NCKAP5: variants seen among roughly 807,000 people sequenced by gnomAD.
The protein encoded by NCKAP5 is nck-associated protein 5.
Under a neutral mutation model 167.0 loss-of-function variants are expected in NCKAP5, and 92 were observed. The observed-to-expected ratio is 0.55, with a 90% CI of 0.47 to 0.66. NCKAP5 has a LOEUF of 0.66. NCKAP5 is among the 30% of genes least tolerant of loss of function. The pLI, the probability that NCKAP5 is intolerant of heterozygous loss-of-function variation, is 0.00. For missense variants in NCKAP5, 2,378 were observed against 2,315.0 expected (o/e 1.03, Z -0.56); for synonymous variants, 891 against 877.4 (o/e 1.02, Z -0.27).
chr2:133,194,110 C>T (rs777304107), intron 5 of NCKAP5, among the ~76,000 whole-genome samples: 2 of 151,838 alleles, frequency 1.3e-5, no homozygotes, highest in Admixed American at 6.6e-5. Flanking sequence ...AGTATGCACT[C>T]GGGTAAGAAA....
chr2:133,229,622 A>G (rs6430405), intron 4 of NCKAP5, among the ~76,000 whole-genome samples: 32,908 of 152,088 alleles, frequency 0.22, 4,615 homozygotes, highest in African/African-American at 0.41. Flanking sequence ...CCCATTTTAC[A>G]GATGTTGAAA....
intron 5 of NCKAP5, among the ~76,000 whole-genome samples, chr2:133,174,719 C>T (rs1553563128): frequency 4.2e-5 from 5 of 117,666 alleles, no homozygotes; most frequent in East Asian, 3.5e-4. Context: ...TTTTTTTCTC[C>T]CCCCTGCTCC....
intron 16 of NCKAP5, among the ~76,000 whole-genome samples, chr2:132,748,852 T>C (rs112352903): frequency 5.3e-5 from 8 of 151,886 alleles, no homozygotes; most frequent in Non-Finnish European, 8.8e-5. Flanking sequence ...GGCGTGATCT[T>C]GGTTCACTGC....
chr2:132,879,438 C>T (rs930120898), intron 8 of NCKAP5, among the ~76,000 whole-genome samples: 3 of 152,232 alleles, frequency 2.0e-5, no homozygotes, highest in African/African-American at 7.2e-5. Flanking sequence ...TATACTTAAG[C>T]ATCCCCTTCC....
chr2:133,507,186 C>A (rs1306895719), intron 3 of NCKAP5, among the ~76,000 whole-genome samples: 1 of 152,222 alleles, frequency 6.6e-6, no homozygotes, highest in African/African-American at 2.4e-5. Context: ...TCACTGCCAG[C>A]CTCATGGCCA....
chr2:133,317,889 AC>A (rs1681730041), intron 3 of NCKAP5, among the ~76,000 whole-genome samples: 1 of 152,194 alleles, frequency 6.6e-6, no homozygotes, highest in African/African-American at 2.4e-5. Flanking sequence ...CAAGCTGGAA[AC>A]AAAAGGGTGG....
chr2:133,552,765 A>C (rs1467470017), intron 2 of NCKAP5, among the ~76,000 whole-genome samples: 1 of 152,194 alleles, frequency 6.6e-6, no homozygotes, highest in South Asian at 2.1e-4. Context: ...AGAAAAAGAA[A>C]AAAAAAAGAT....
intron 2 of NCKAP5, among the ~76,000 whole-genome samples, chr2:133,551,152 G>A (rs1236920473): frequency 6.6e-6 from 1 of 152,066 alleles, no homozygotes; most frequent in African/African-American, 2.4e-5. Flanking sequence ...TCAATATCAT[G>A]AAATGGCCAT....
intron 3 of NCKAP5, among the ~76,000 whole-genome samples, chr2:133,337,693 G>C (rs1683305310): frequency 1.3e-5 from 2 of 152,208 alleles, no homozygotes; most frequent in African/African-American, 4.8e-5. Context: ...TGAAGCTAAG[G>C]AGAGGGGTTG....
intron 4 of NCKAP5, among the ~76,000 whole-genome samples, chr2:133,261,036 T>C (rs2088880939): frequency 6.6e-6 from 1 of 152,176 alleles, no homozygotes; most frequent in African/African-American, 2.4e-5. Context: ...GGAAGAACCT[T>C]ACAAGGAAGG....
chr2:133,387,400 T>G (rs1384830491), intron 3 of NCKAP5, among the ~76,000 whole-genome samples: 1 of 152,258 alleles, frequency 6.6e-6, no homozygotes, highest in Non-Finnish European at 1.5e-5. Context: ...TCATAGAGTT[T>G]CTGCCGAGAG....
chr2:133,550,138 A>C (rs1687154745), intron 2 of NCKAP5, among the ~76,000 whole-genome samples: 2 of 147,264 alleles, frequency 1.4e-5, no homozygotes, highest in Non-Finnish European at 3.0e-5. Flanking sequence ...CCAGGACCAG[A>C]TGGATTCACA....
chr2:133,081,144 C>T (rs1403196556), intron 6 of NCKAP5, among the ~76,000 whole-genome samples: 1 of 152,006 alleles, frequency 6.6e-6, no homozygotes, highest in Non-Finnish European at 1.5e-5. Flanking sequence ...CATTCATTTT[C>T]CATGTAAAGA....
chr2:133,478,451 C>T, intron 3 of NCKAP5, among the ~76,000 whole-genome samples: 1 of 152,104 alleles, frequency 6.6e-6, no homozygotes, highest in African/African-American at 2.4e-5. Flanking sequence ...GGATCTTGAA[C>T]CTTCCTAGAA....
intron 5 of NCKAP5, among the ~76,000 whole-genome samples, chr2:133,202,073 G>A: frequency 6.6e-6 from 1 of 152,112 alleles, no homozygotes; most frequent in Non-Finnish European, 1.5e-5. Context: ...AGCCCACATT[G>A]CCGAGTCAAT....
intron 6 of NCKAP5, among the ~76,000 whole-genome samples, chr2:133,025,028 T>A (rs920449650): frequency 6.6e-6 from 1 of 152,218 alleles, no homozygotes; most frequent in Non-Finnish European, 1.5e-5. Flanking sequence ...CTTTTAGGTG[T>A]TTTGAAAAGA....
chr2:133,516,146 A>G (rs1298364569), intron 3 of NCKAP5, among the ~76,000 whole-genome samples: 1 of 152,152 alleles, frequency 6.6e-6, no homozygotes, highest in Non-Finnish European at 1.5e-5. Flanking sequence ...GACAGACCCT[A>G]TTGGCATGCT....
chr2:133,521,835 T>C (rs930851065), intron 2 of NCKAP5, among the ~76,000 whole-genome samples: 2 of 152,202 alleles, frequency 1.3e-5, no homozygotes, highest in Non-Finnish European at 2.9e-5. Flanking sequence ...ATAACAGTTA[T>C]TTTCAGTCAG....
At chr2:132,941,432 C>G (rs1471076820) in intron 8 of NCKAP5, among the ~76,000 whole-genome samples, 1 of 152,146 alleles carries the variant, frequency 6.6e-6, no homozygotes, top group African/African-American at 2.4e-5. Flanking sequence ...GTAGTCCAAC[C>G]AGTTTCAAGC....
Sources: gnomAD v4.1 joint callset for allele counts (sites outside exome capture counted in the v4.1 genomes callset) on GRCh38, gnomAD v4.1.1 for gene constraint, MANE v1.5 for transcripts, NCBI Gene and HGNC (gene_info 2026-07-23, HGNC 2026-07-21) for gene names.